The following AMOT variants were observed in gnomAD, a reference collection of about 807,000 sequenced individuals.
AMOT encodes the protein angiomotin.
Under a neutral mutation model 67.0 loss-of-function variants are expected in AMOT, and 11 were observed. The observed-to-expected ratio is 0.16, with a 90% CI of 0.10 to 0.27. The LOEUF (loss-of-function observed/expected upper bound fraction) is 0.27, where lower values mean the gene tolerates loss of function less well. AMOT is among the 10% of genes least tolerant of loss of function. AMOT has a pLI of 1.00. For missense variants in AMOT, 753 were observed against 852.0 expected (o/e 0.88, Z 1.45); for synonymous variants, 326 against 321.4 (o/e 1.01, Z -0.15).
chrX:112,786,139 G>A (rs181188383), intron 10 of AMOT, among the ~76,000 whole-genome samples: 28 of 111,994 alleles, frequency 2.5e-4, no homozygotes, highest in African/African-American at 7.8e-4. Context: ...ATATAACTAA[G>A]ACAGAAGGTA....
At chrX:112,829,461 C>T (rs1240689871) in intron 2 of AMOT, among the ~76,000 whole-genome samples, 1 of 111,840 alleles carries the variant, frequency 8.9e-6, no homozygotes, top group African/African-American at 3.3e-5. Flanking sequence ...ATGTTCGCAC[C>T]ATGCTTCCCA....
At chrX:112,807,539 G>A (rs980758269) in intron 7 of AMOT, among the ~76,000 whole-genome samples, 2 of 108,608 alleles carry the variant, frequency 1.8e-5, no homozygotes, top group East Asian at 2.9e-4. Flanking sequence ...ATATGCTAAC[G>A]GCTCTAATAA....
intron 12 of AMOT, chrX:112,780,585 A>C (rs1212478828): frequency 6.1e-6 from 2 of 326,677 alleles, no homozygotes; most frequent in African/African-American, 5.1e-5. Flanking sequence ...CACATGGCAA[A>C]GGCCAAATCT....
intron 5 of AMOT, among the ~76,000 whole-genome samples, chrX:112,812,467 C>G (rs1934401090): frequency 9.0e-6 from 1 of 111,277 alleles, no homozygotes; most frequent in Admixed American, 9.5e-5. Flanking sequence ...TTTTATGACA[C>G]CCCTGCAAAT....
intron 8 of AMOT, among the ~76,000 whole-genome samples, chrX:112,800,764 C>T (rs953611550): frequency 2.7e-5 from 3 of 111,735 alleles, no homozygotes; most frequent in African/African-American, 9.8e-5. Context: ...TGGAGTAAAA[C>T]GGTATGAATT....
At chrX:112,781,880 G>A (rs1321248399) in intron 11 of AMOT, among the ~76,000 whole-genome samples, 1 of 111,560 alleles carries the variant, frequency 9.0e-6, no homozygotes, top group Non-Finnish European at 1.9e-5. Flanking sequence ...TCCACTTTGA[G>A]TAGATGTTCT....
chrX:112,833,603 GAAGAAAAAAATGAAATCTTACCTTAATAA>G (rs1339492914), intron 1 of AMOT, among the ~76,000 whole-genome samples: 1 of 110,597 alleles, frequency 9.0e-6, no homozygotes. Context: ...ACTAATTGTA[GAAGAAAAAAATGAAATCTTACCTTAATAA>G]AATGGTTTGT....
intron 2 of AMOT, among the ~76,000 whole-genome samples, chrX:112,830,853 C>G (rs1934969629): frequency 8.9e-6 from 1 of 111,998 alleles, no homozygotes; most frequent in Non-Finnish European, 1.9e-5. Flanking sequence ...TTGGAAAGAT[C>G]TGACAGTCAG....
chrX:112,810,079 G>T, intron 6 of AMOT, 93 bp from the exon 7 acceptor site: 2 of 701,626 alleles, frequency 2.9e-6, no homozygotes, highest in Non-Finnish European at 4.3e-6. Flanking sequence ...GGTAAAACAA[G>T]CCTGTTTCTT....
At chrX:112,788,805 T>C (rs1236799157) in intron 10 of AMOT, among the ~76,000 whole-genome samples, 1 of 112,489 alleles carries the variant, frequency 8.9e-6, no homozygotes, top group African/African-American at 3.2e-5. Flanking sequence ...TGTTAAATGA[T>C]AGGCATGCAC....
intron 1 of AMOT, among the ~76,000 whole-genome samples, chrX:112,838,684 T>C (rs1216691887): frequency 1.8e-5 from 2 of 112,701 alleles, no homozygotes; most frequent in Non-Finnish European, 3.7e-5. Context: ...AAATTCCCTT[T>C]CTAAAATCTT....
At chrX:112,827,022 TG>T (rs1490419302) in intron 2 of AMOT, among the ~76,000 whole-genome samples, 3 of 111,975 alleles carry the variant, frequency 2.7e-5, no homozygotes, top group Non-Finnish European at 3.8e-5. Context: ...CATGCCTGGC[TG>T]ATTTTCATAT....
At chrX:112,823,269 G>A in intron 3 of AMOT, 81 bp from the exon 4 acceptor site, 1 of 590,147 alleles carries the variant, frequency 1.7e-6, no homozygotes, top group Non-Finnish European at 2.6e-6. Context: ...GGATATTGGA[G>A]GGTGAGGATT....
chrX:112,782,041 A>C (rs1292510613), intron 11 of AMOT, among the ~76,000 whole-genome samples: 2 of 111,258 alleles, frequency 1.8e-5, no homozygotes, highest in Non-Finnish European at 3.8e-5. Context: ...GGTGCCCGCC[A>C]CCACACCTGG....
At chrX:112,791,238 A>G (rs921624960) in intron 9 of AMOT, among the ~76,000 whole-genome samples, 15 of 109,943 alleles carry the variant, frequency 1.4e-4, no homozygotes, top group African/African-American at 4.0e-4. Flanking sequence ...AAAAAAAAAA[A>G]ATTAGCTGGG....
At chrX:112,833,484 G>A (rs918883073) in intron 1 of AMOT, among the ~76,000 whole-genome samples, 1 of 103,216 alleles carries the variant, frequency 9.7e-6, no homozygotes, top group Non-Finnish European at 2.0e-5. Flanking sequence ...GTAAAGGGGG[G>A]GGGGGGGTCA....
chrX:112,811,282 G>A lies in AMOT; in HGVS notation c.1504C>T (p.Arg502Trp), dbSNP rs1480756202. The A allele has an allele frequency of 2.2e-5, 26 of 1,208,816 alleles. No individual in the cohort carries two copies. Among genetic ancestry groups the A allele is most frequent in the Non-Finnish European group, 2.8e-5 (25 of 894,829 alleles). The change falls in exon 6 of 14, where the codon CGG becomes TGG. Residue 502 changes from arginine to tryptophan, a missense_variant. This residue lies in a region of AMOT where 297 missense variants were observed against 284.3 expected (regional missense o/e 1.04). Coordinates refer to ENST00000371959, the MANE Select transcript of AMOT (RefSeq NM_001113490.2). ...AMRNKLEGEI[R>W]RMHDFNRDLR... ...TCCCTGTTGAAATCATGCATCCTCCGAATCTCGCCCTCTAGCTTGTTTCTC... is the reference window on the plus strand; with the variant it reads ...TCCCTGTTGAAATCATGCATCCTCCAAATCTCGCCCTCTAGCTTGTTTCTC...
At chrX:112,802,189 C>T (rs1191323845) in intron 8 of AMOT, among the ~76,000 whole-genome samples, 1 of 112,167 alleles carries the variant, frequency 8.9e-6, no homozygotes, top group Non-Finnish European at 1.9e-5. Context: ...CCAGAACTAC[C>T]TGTTTACCTC....
chrX:112,789,528 C>T (rs934639181), intron 10 of AMOT, among the ~76,000 whole-genome samples: 2 of 110,395 alleles, frequency 1.8e-5, no homozygotes, highest in Non-Finnish European at 3.8e-5. Flanking sequence ...CCGAAGTGGG[C>T]TTATAAAGCA....
Sources: allele counts gnomAD v4.1 joint callset (sites outside exome capture counted in the v4.1 genomes callset), GRCh38; gene constraint gnomAD v4.1.1; regional missense constraint gnomAD v4.1.1; transcripts MANE v1.5; gene names NCBI Gene and HGNC (gene_info 2026-07-23, HGNC 2026-07-21).